DPYD: variants seen among roughly 807,000 people sequenced by gnomAD.
DPYD encodes the protein dihydropyrimidine dehydrogenase.
DPYD carries 109 observed loss-of-function variants against 116.2 expected under a neutral mutation model. That is an observed-to-expected ratio of 0.94 (90% CI 0.80 to 1.10). The LOEUF is 1.10. Ranked by LOEUF, DPYD falls within the 50% of genes least tolerant of loss-of-function variation. The pLI is 0.00. For missense variants in DPYD, 1,302 were observed against 1,254.5 expected (o/e 1.04, Z -0.57); for synonymous variants, 440 against 432.0 (o/e 1.02, Z -0.23).
chr1:97,846,103 G>A (rs1166116707), intron 2 of DPYD, among the ~76,000 whole-genome samples: 1 of 152,174 alleles, frequency 6.6e-6, no homozygotes, highest in Non-Finnish European at 1.5e-5. Flanking sequence ...GGGCCGAGTG[G>A]GCAGAATGAG....
intron 20 of DPYD, among the ~76,000 whole-genome samples, chr1:97,154,013 G>A (rs1655240668): frequency 6.7e-6 from 1 of 150,236 alleles, no homozygotes; most frequent in Non-Finnish European, 1.5e-5. Context: ...ATATCGTGAT[G>A]TGATGAAAAG....
intron 8 of DPYD, among the ~76,000 whole-genome samples, chr1:97,622,066 G>A (rs1557842906): frequency 6.6e-6 from 1 of 152,048 alleles, no homozygotes; most frequent in Non-Finnish European, 1.5e-5. Context: ...AATCCCAAAT[G>A]ATTTATGTAG....
intron 8 of DPYD, among the ~76,000 whole-genome samples, chr1:97,676,529 T>C (rs569046158): frequency 1.3e-5 from 2 of 152,304 alleles, no homozygotes; most frequent in African/African-American, 2.4e-5. Flanking sequence ...TTACCCTCTA[T>C]TGTTTTCTGA....
At chr1:97,592,391 G>C (rs1241680902) in intron 10 of DPYD, among the ~76,000 whole-genome samples, 2 of 152,102 alleles carry the variant, frequency 1.3e-5, no homozygotes, top group Non-Finnish European at 2.9e-5. Context: ...TTTTGAGACA[G>C]AGTCTCTCTC....
At chr1:97,376,698 A>G (rs1469951456) in intron 15 of DPYD, among the ~76,000 whole-genome samples, 1 of 152,174 alleles carries the variant, frequency 6.6e-6, no homozygotes, top group Non-Finnish European at 1.5e-5. Context: ...GATTCTTGTT[A>G]GTCACAAGCT....
chr1:97,380,647 C>A (rs1387460620), intron 15 of DPYD, among the ~76,000 whole-genome samples: 1 of 152,162 alleles, frequency 6.6e-6, no homozygotes, highest in Non-Finnish European at 1.5e-5. Flanking sequence ...ACAGCATTAG[C>A]TAAACTTGAA....
chr1:97,278,022 T>C (rs1233619745), intron 18 of DPYD, among the ~76,000 whole-genome samples: 2 of 152,218 alleles, frequency 1.3e-5, no homozygotes, highest in Non-Finnish European at 2.9e-5. Context: ...TTTATTTAGT[T>C]TGTGATTGCC....
rs1676331373 is a variant in DPYD, at chr1:97,450,162, C to A, written c.1802G>T (p.Gly601Val). 6.2e-7 allele frequency: 1 copy of A among 1,613,736 alleles called. No homozygotes were observed. Among genetic ancestry groups the A allele is most frequent in the Non-Finnish European group, 8.5e-7 (1 of 1,179,894 alleles). ...ATTCAGAAAGGAGCTTTGTCCAGGG[C>A]CATACATGGGGCCAGAGGTGGTTCC... The part of the protein sequence containing the change: ...IRGTTSGPMY[G>V]PGQSSFLNIE... Residue 601 changes from glycine (G) to valine (V), a missense_variant, in exon 14 of 23, where the codon GGC becomes GTC. Physicochemically the swap from Gly to Val is moderately radical, Grantham distance 109. Coordinates refer to ENST00000370192, the MANE Select transcript of DPYD (RefSeq NM_000110.4).
chr1:97,092,275 G>T (rs2056049), intron 21 of DPYD, among the ~76,000 whole-genome samples: 1 of 152,084 alleles, frequency 6.6e-6, no homozygotes, highest in African/African-American at 2.4e-5. Context: ...CCGGAACATA[G>T]TGGTTGCACA....
intron 20 of DPYD, among the ~76,000 whole-genome samples, chr1:97,189,196 C>T (rs1658193523): frequency 6.6e-6 from 1 of 152,132 alleles, no homozygotes; most frequent in East Asian, 1.9e-4. Flanking sequence ...GTAAAGGAAG[C>T]AGACTTACAA....
intron 14 of DPYD, among the ~76,000 whole-genome samples, chr1:97,396,937 TTCC>T (rs71772295): frequency 0.19 from 29,045 of 151,936 alleles, 2,922 homozygotes; most frequent in South Asian, 0.36. Context: ...CACTACTCAG[TTCC>T]TGTTGGACTG....
At chr1:97,658,678 G>T (rs890572514) in intron 8 of DPYD, among the ~76,000 whole-genome samples, 6 of 152,020 alleles carry the variant, frequency 3.9e-5, no homozygotes, top group Non-Finnish European at 7.4e-5. Context: ...ATCTCCACAT[G>T]TCCAGTCTCA....
chr1:97,822,738 G>T (rs551755207), intron 3 of DPYD, among the ~76,000 whole-genome samples: 22 of 152,264 alleles, frequency 1.4e-4, no homozygotes, highest in African/African-American at 4.6e-4. Flanking sequence ...GAGAATGGCT[G>T]TCTCGCTATT....
chr1:97,640,595 C>T (rs1657832716), intron 8 of DPYD, among the ~76,000 whole-genome samples: 1 of 152,134 alleles, frequency 6.6e-6, no homozygotes, highest in South Asian at 2.1e-4. Flanking sequence ...AGGTGTGAGC[C>T]ACTGTGCCCG....
chr1:97,196,826 A>G (rs374433182), intron 19 of DPYD, among the ~76,000 whole-genome samples: 2 of 152,212 alleles, frequency 1.3e-5, no homozygotes, highest in Non-Finnish European at 2.9e-5. Context: ...AACTTTTAAT[A>G]TAACTACAAA....
chr1:97,267,550 C>A (rs753148263), intron 18 of DPYD, among the ~76,000 whole-genome samples: 1 of 152,030 alleles, frequency 6.6e-6, no homozygotes, highest in Non-Finnish European at 1.5e-5. Context: ...ATGGCACAGG[C>A]GCACACAAGA....
At chr1:97,620,431 G>C (rs1385305267) in intron 8 of DPYD, among the ~76,000 whole-genome samples, 1 of 152,044 alleles carries the variant, frequency 6.6e-6, no homozygotes, top group Admixed American at 6.6e-5. Context: ...TCTCAGGCTG[G>C]TCTCAAACTC....
At chr1:97,399,558 T>A (rs555345604) in intron 14 of DPYD, among the ~76,000 whole-genome samples, 1 of 152,144 alleles carries the variant, frequency 6.6e-6, no homozygotes. Flanking sequence ...ATTTTCACGA[T>A]ATTTATTCTT....
At chr1:97,140,902 G>C (rs1457495002) in intron 20 of DPYD, among the ~76,000 whole-genome samples, 1 of 152,138 alleles carries the variant, frequency 6.6e-6, no homozygotes, top group Non-Finnish European at 1.5e-5. Flanking sequence ...TGAAAGTGCA[G>C]CTCATTTGGT....
Sources: gnomAD v4.1 joint callset for allele counts (sites outside exome capture counted in the v4.1 genomes callset) on GRCh38, gnomAD v4.1.1 for gene constraint, MANE v1.5 for transcripts, NCBI Gene and HGNC (gene_info 2026-07-23, HGNC 2026-07-21) for gene names.